Variants in SCAMP1 observed in about 807,000 individuals in gnomAD.
The protein encoded by SCAMP1 is secretory carrier-associated membrane protein 1.
A neutral mutation model predicts 41.8 loss-of-function variants in SCAMP1; 15 were observed. That is an observed-to-expected ratio of 0.36 (90% CI 0.24 to 0.55). The LOEUF (loss-of-function observed/expected upper bound fraction) is 0.55. Ranked by LOEUF, SCAMP1 falls within the 20% of genes least tolerant of loss-of-function variation. SCAMP1 has a pLI of 0.86. For synonymous variants in SCAMP1, 135 were observed against 136.8 expected (o/e 0.99, Z 0.09); for missense variants, 341 against 412.6 (o/e 0.83, Z 1.50).
chr5:78,443,419 C>A (rs1040535605), intron 6 of SCAMP1, among the ~76,000 whole-genome samples: 35 of 151,990 alleles, frequency 2.3e-4, no homozygotes, highest in African/African-American at 8.2e-4. Flanking sequence ...TAGTGCTTGG[C>A]AAATAATGTT....
chr5:78,469,566 AC>A (rs1382408421), intron 8 of SCAMP1, among the ~76,000 whole-genome samples: 20 of 151,968 alleles, frequency 1.3e-4, no homozygotes, highest in African/African-American at 4.6e-4. Flanking sequence ...AATCTAGGTT[AC>A]TATAACTAAA....
intron 6 of SCAMP1, among the ~76,000 whole-genome samples, chr5:78,442,865 A>G (rs1269088224): frequency 6.6e-6 from 1 of 152,136 alleles, no homozygotes; most frequent in African/African-American, 2.4e-5. Flanking sequence ...CTTGGAGATG[A>G]TGGAATTGAA....
At chr5:78,389,528 C>T (rs2112086593) in intron 2 of SCAMP1, among the ~76,000 whole-genome samples, 1 of 152,242 alleles carries the variant, frequency 6.6e-6, no homozygotes, top group South Asian at 2.1e-4. Context: ...CTCAGCCTCC[C>T]AAAGTGCTGC....
At chr5:78,460,803 TCCTCCCTTCCTTCCTTC>T (rs1753580697) in intron 8 of SCAMP1, among the ~76,000 whole-genome samples, 1 of 45,792 alleles carries the variant, frequency 2.2e-5, no homozygotes, top group African/African-American at 8.2e-5. Context: ...CTTCCTTCCT[TCCTCCCTTCCTTCCTTC>T]CTTTCTTGTC....
chr5:78,393,405 C>T (rs1751567792), intron 2 of SCAMP1, among the ~76,000 whole-genome samples: 1 of 152,046 alleles, frequency 6.6e-6, no homozygotes. Context: ...CTCCTGGCCT[C>T]AAGTGATCCT....
At chr5:78,421,108 T>A (rs1382789395) in intron 5 of SCAMP1, among the ~76,000 whole-genome samples, 3 of 152,224 alleles carry the variant, frequency 2.0e-5, no homozygotes, top group Non-Finnish European at 4.4e-5. Flanking sequence ...TTTTTGTTTT[T>A]GGTCTGTCAG....
chr5:78,392,477 G>A (rs1030148733), intron 2 of SCAMP1, among the ~76,000 whole-genome samples: 4 of 152,172 alleles, frequency 2.6e-5, no homozygotes, highest in East Asian at 3.8e-4. Context: ...CCTAATTGGT[G>A]TAATTAAAAA....
intron 1 of SCAMP1, among the ~76,000 whole-genome samples, chr5:78,361,458 T>C (rs779273248): frequency 1.3e-5 from 2 of 152,216 alleles, no homozygotes; most frequent in Non-Finnish European, 2.9e-5. Context: ...TCCAAGCTCC[T>C]AGTGCGTCAC....
At chr5:78,407,625 CTG>C (rs1751965167) in intron 2 of SCAMP1, among the ~76,000 whole-genome samples, 1 of 40,192 alleles carries the variant, frequency 2.5e-5, no homozygotes, top group Non-Finnish European at 5.3e-5. Context: ...CTCCCTTATC[CTG>C]TTTTTTTTTT....
intron 1 of SCAMP1, among the ~76,000 whole-genome samples, chr5:78,378,171 A>G (rs969347244): frequency 6.6e-6 from 1 of 152,236 alleles, no homozygotes; most frequent in African/African-American, 2.4e-5. Context: ...TTTGGATACT[A>G]ATCATGAAAC....
In SCAMP1 at chr5:78,382,776, G is replaced by GGTGTGTGT. The variant is rs61523492; in HGVS notation, c.58-6025_58-6018dup. Among the ~76,000 whole-genome samples the GGTGTGTGT allele has an allele frequency of 3.8e-3, 494 of 130,316 alleles. 2 individuals are homozygous for GGTGTGTGT. Among genetic ancestry groups the GGTGTGTGT allele is most frequent in the South Asian group, 0.012 (49 of 4,174 alleles). The allele number at this position is 130,316 out of a possible 152,430, so 85.5% of individuals were successfully genotyped here. On this transcript the variant is annotated intron_variant, in intron 1 of 8. Transcript: ENST00000621999. ...TTTTCATGGCTGAGTAGTATTCCAT[G>GGTGTGTGT]GTGTGTGTGTGTGTGTGTGTGTGTG... is the stretch of plus-strand genomic sequence containing the variant.
chr5:78,438,502 G>T lies in SCAMP1; in HGVS notation c.633-11431G>T, dbSNP rs192864786. Among the ~76,000 whole-genome samples, 589 of 152,256 alleles carry T rather than the reference G, an allele frequency of 3.9e-3. 4 individuals carry two copies. Among genetic ancestry groups the T allele is most frequent in the African/African-American group, 0.013 (547 of 41,546 alleles). On this transcript the variant is annotated intron_variant, in intron 6 of 8. Transcript: ENST00000621999. ...TAGTCATTCAGGAGCAGGTTGTTCAGTTTCCATGTAGTTGAGCGGTTTTGA... is the reference window on the plus strand; with the variant it reads ...TAGTCATTCAGGAGCAGGTTGTTCATTTTCCATGTAGTTGAGCGGTTTTGA...
intron 8 of SCAMP1, among the ~76,000 whole-genome samples, chr5:78,474,424 A>G (rs1241140563): frequency 6.6e-6 from 1 of 152,188 alleles, no homozygotes; most frequent in Non-Finnish European, 1.5e-5. Flanking sequence ...TAGAGTTGGA[A>G]TGAATGAACA....
chr5:78,473,494 T>G (rs1246182597), intron 8 of SCAMP1, among the ~76,000 whole-genome samples: 1 of 152,172 alleles, frequency 6.6e-6, no homozygotes, highest in Non-Finnish European at 1.5e-5. Flanking sequence ...TATTTTAGAT[T>G]CAGGGGATAC....
Position 78,480,225 on chromosome 5 carries a change from C to G in SCAMP1, c.*4557C>G, listed in dbSNP as rs1754109445. ...GGCTGATGGTGTAGCTGAAACCCTC[C>G]TAACACTAAAAGCCATTTAATCTTT... On this transcript the variant is annotated 3_prime_UTR_variant, in exon 9 of 9. Transcript: ENST00000621999. Among the ~76,000 whole-genome samples, 1 of 152,124 alleles carries G rather than the reference C, an allele frequency of 6.6e-6. No homozygotes were observed. The highest frequency in any genetic ancestry group is 2.1e-4 in the South Asian group (1 of 4,836).
chr5:78,439,347 T>G (rs1382929929), intron 6 of SCAMP1, among the ~76,000 whole-genome samples: 1 of 152,232 alleles, frequency 6.6e-6, no homozygotes, highest in Admixed American at 6.5e-5. Context: ...TTGCAGTGGC[T>G]GGTACTGGTT....
chr5:78,384,664 G>T (rs1360456953), intron 1 of SCAMP1, among the ~76,000 whole-genome samples: 1 of 150,218 alleles, frequency 6.7e-6, no homozygotes, highest in Non-Finnish European at 1.5e-5. Flanking sequence ...TTTCACAAAG[G>T]GATACTGGAT....
intron 1 of SCAMP1, among the ~76,000 whole-genome samples, chr5:78,370,462 TCTC>T (rs1178730004): frequency 1.3e-5 from 2 of 151,966 alleles, no homozygotes; most frequent in Admixed American, 1.3e-4. Context: ...AAAACCCTGT[TCTC>T]CTTTCTGTGC....
At chr5:78,434,456 G>GA (rs1752694681) in intron 6 of SCAMP1, among the ~76,000 whole-genome samples, 1 of 152,068 alleles carries the variant, frequency 6.6e-6, no homozygotes, top group Admixed American at 6.6e-5. Context: ...TACTACATCT[G>GA]AGAGATATAG....
Sources: allele counts gnomAD v4.1 joint callset (sites outside exome capture counted in the v4.1 genomes callset), GRCh38; gene constraint gnomAD v4.1.1; transcripts MANE v1.5; gene names NCBI Gene and HGNC (gene_info 2026-07-23, HGNC 2026-07-21).